EDN1: variants seen among roughly 807,000 people sequenced by gnomAD.
The protein encoded by EDN1 is endothelin 1.
Under a neutral mutation model 21.7 loss-of-function variants are expected in EDN1, and 11 were observed. That is an observed-to-expected ratio of 0.51 (90% confidence interval 0.32 to 0.84). The LOEUF (loss-of-function observed/expected upper bound fraction) is 0.84, where lower values mean the gene tolerates loss of function less well. Among genes scored for constraint, EDN1 ranks in the 40% least tolerant of loss-of-function variants. EDN1 has a pLI of 0.03. For missense variants in EDN1, 244 were observed against 262.3 expected (o/e 0.93, Z 0.48); for synonymous variants, 85 against 90.6 (o/e 0.94, Z 0.35).
the EDN1 span, among the ~76,000 whole-genome samples, chr6:12,245,950 C>A: frequency 1.3e-5 from 2 of 152,174 alleles, no homozygotes; most frequent in African/African-American, 4.8e-5. Context: ...ACAGAATCTC[C>A]TCTGTGTGTC....
chr6:12,287,781 C>T (rs1240530614), upstream of EDN1, among the ~76,000 whole-genome samples: 1 of 150,382 alleles, frequency 6.6e-6, no homozygotes, highest in Admixed American at 6.6e-5. Flanking sequence ...CGCAGGCACA[C>T]GTCTTGCAAA....
the EDN1 span, among the ~76,000 whole-genome samples, chr6:12,250,813 A>G: frequency 6.6e-6 from 1 of 152,226 alleles, no homozygotes; most frequent in Non-Finnish European, 1.5e-5. Context: ...AACAAAATCA[A>G]TTACTCTCTT....
chr6:12,250,038 T>C, the EDN1 span, among the ~76,000 whole-genome samples: 2 of 152,240 alleles, frequency 1.3e-5, no homozygotes, highest in East Asian at 3.9e-4. Flanking sequence ...CGCATATGTA[T>C]GTGGATTATG....
At chr6:12,274,256 A>C in the EDN1 span, among the ~76,000 whole-genome samples, 290 of 152,386 alleles carry the variant, frequency 1.9e-3, 2 homozygotes, top group African/African-American at 6.8e-3. Context: ...ACTACAATTT[A>C]GAAAAGCATA....
chr6:12,254,851 C>T, the EDN1 span, among the ~76,000 whole-genome samples: 1 of 152,022 alleles, frequency 6.6e-6, no homozygotes, highest in Non-Finnish European at 1.5e-5. Context: ...ACAAATTATG[C>T]TTATGATTTA....
intron 2 of EDN1, among the ~76,000 whole-genome samples, chr6:12,292,986 A>G (rs1762724345): frequency 6.6e-6 from 1 of 152,254 alleles, no homozygotes; most frequent in African/African-American, 2.4e-5. Context: ...CCATTTGTGC[A>G]GGAGTGAGTT....
the EDN1 span, among the ~76,000 whole-genome samples, chr6:12,275,539 A>C: frequency 6.6e-6 from 1 of 152,100 alleles, no homozygotes; most frequent in East Asian, 1.9e-4. Context: ...GATGATAACC[A>C]TTTTTAGATA....
At chr6:12,252,144 C>T in the EDN1 span, among the ~76,000 whole-genome samples, 2 of 152,118 alleles carry the variant, frequency 1.3e-5, no homozygotes, top group Non-Finnish European at 2.9e-5. Flanking sequence ...ATCGATATAC[C>T]TTTTAGATAT....
chr6:12,280,277 T>C, the EDN1 span, among the ~76,000 whole-genome samples: 2 of 152,244 alleles, frequency 1.3e-5, no homozygotes, highest in Admixed American at 6.5e-5. Flanking sequence ...AGGAGCCTGC[T>C]TTTTTCCAGT....
chr6:12,234,467 G>A, the EDN1 span, among the ~76,000 whole-genome samples: 1 of 152,238 alleles, frequency 6.6e-6, no homozygotes, highest in East Asian at 1.9e-4. Context: ...CCACAGGGAA[G>A]TGTTTCTTAT....
chr6:12,294,501 C>T (rs1355179119), intron 4 of EDN1, 97 bp downstream of exon 4: 21 of 1,448,190 alleles, frequency 1.5e-5, no homozygotes, highest in South Asian at 3.5e-5. Flanking sequence ...CCTTCTTACC[C>T]GGGCAGGTGA....
the EDN1 span, among the ~76,000 whole-genome samples, chr6:12,274,325 G>A: frequency 6.6e-6 from 1 of 152,200 alleles, no homozygotes; most frequent in East Asian, 1.9e-4. Flanking sequence ...CTGGCAGAGA[G>A]TGCAATAGAC....
chr6:12,278,644 C>G, the EDN1 span, among the ~76,000 whole-genome samples: 1 of 152,310 alleles, frequency 6.6e-6, no homozygotes, highest in East Asian at 1.9e-4. Context: ...GTAATCCCAG[C>G]ACTTTCGGAG....
the EDN1 span, among the ~76,000 whole-genome samples, chr6:12,267,657 T>G: frequency 6.6e-6 from 1 of 152,172 alleles, no homozygotes; most frequent in African/African-American, 2.4e-5. Flanking sequence ...GCAGCAAGCG[T>G]TAATGTAGAA....
At chr6:12,266,877 T>C in the EDN1 span, among the ~76,000 whole-genome samples, 6 of 152,300 alleles carry the variant, frequency 3.9e-5, no homozygotes, top group Middle Eastern at 3.4e-3. Flanking sequence ...GGGAGAGATG[T>C]ATAGTGTCTC....
the EDN1 span, among the ~76,000 whole-genome samples, chr6:12,285,358 A>G: frequency 4.6e-5 from 7 of 152,130 alleles, no homozygotes; most frequent in African/African-American, 1.7e-4. Context: ...TGGATGCCGG[A>G]ACATCTGTTT....
the EDN1 span, among the ~76,000 whole-genome samples, chr6:12,258,945 A>G: frequency 6.6e-6 from 1 of 152,206 alleles, no homozygotes; most frequent in Non-Finnish European, 1.5e-5. Context: ...CAGCCATAAC[A>G]TCAAATTTAA....
chr6:12,235,241 G>A, the EDN1 span, among the ~76,000 whole-genome samples: 3 of 152,200 alleles, frequency 2.0e-5, no homozygotes, highest in Admixed American at 6.5e-5. Context: ...TATGGAAAAT[G>A]TGAGGCAGGA....
the EDN1 span, among the ~76,000 whole-genome samples, chr6:12,284,068 C>G: frequency 3.9e-5 from 6 of 152,276 alleles, no homozygotes; most frequent in Non-Finnish European, 7.3e-5. Context: ...CTCCATCAGT[C>G]TATTGACTTA....
Sources: allele counts gnomAD v4.1 joint callset (sites outside exome capture counted in the v4.1 genomes callset), GRCh38; gene constraint gnomAD v4.1.1; transcripts MANE v1.5; gene names NCBI Gene and HGNC (gene_info 2026-07-23, HGNC 2026-07-21).